Variants in MAP2K5 observed in about 807,000 individuals in gnomAD.
MAP2K5 encodes mitogen-activated protein kinase kinase 5.
In MAP2K5, 49 loss-of-function variants were observed where a neutral mutation model predicts 83.1. That is an observed-to-expected ratio of 0.59 (90% CI 0.47 to 0.75). The LOEUF is 0.75. MAP2K5 is among the 30% of genes least tolerant of loss of function. The pLI, the probability that MAP2K5 is intolerant of heterozygous loss-of-function variation, is 0.00. For missense variants in MAP2K5, 457 were observed against 557.5 expected (o/e 0.82, Z 1.82); for synonymous variants, 202 against 191.8 (o/e 1.05, Z -0.44).
At chr15:67,721,340 T>C (rs1702481705) in intron 16 of MAP2K5, among the ~76,000 whole-genome samples, 2 of 152,222 alleles carry the variant, frequency 1.3e-5, no homozygotes, top group African/African-American at 4.8e-5. Context: ...CAGTGGACTT[T>C]GGTGAGGACA....
intron 13 of MAP2K5, 58 bp from the exon 14 acceptor site, chr15:67,692,421 G>T: frequency 8.0e-7 from 1 of 1,255,458 alleles, no homozygotes; most frequent in South Asian, 1.2e-5. Context: ...TGCTTTTAAA[G>T]AACAAACGCT....
At position 67,774,433 on chromosome 15, in the gene MAP2K5, G is replaced by T. The variant is rs114556752; in HGVS notation, c.1242+1681G>T. The stretch of plus-strand genomic sequence containing the variant: ...AGCAGTGGTGAGGCACCACTGCTTT[G>T]GCAGGGCTCAGTGAGGAGGCAGGGA... On this transcript the variant is annotated intron_variant, in intron 21 of 21. Transcript: ENST00000178640. The surrounding 1 kb of genome is among the most constrained non-coding windows in gnomAD (Gnocchi z 4.9). 2.2e-3 allele frequency among the ~76,000 whole-genome samples: 339 copies of T among 152,132 alleles called. 1 individual carries two copies. Among genetic ancestry groups the T allele is most frequent in the African/African-American group, 7.8e-3 (322 of 41,488 alleles).
chr15:67,647,660 C>T (rs1049675182), intron 11 of MAP2K5, among the ~76,000 whole-genome samples: 2 of 151,566 alleles, frequency 1.3e-5, no homozygotes, highest in South Asian at 2.1e-4. Flanking sequence ...CCGAGGCAAG[C>T]GGAGTTTGAG....
intron 13 of MAP2K5, among the ~76,000 whole-genome samples, chr15:67,675,834 A>C (rs141670905): frequency 6.8e-4 from 104 of 152,310 alleles, no homozygotes; most frequent in African/African-American, 2.5e-3. Context: ...AGGCAGAGTC[A>C]TCCCTTTTAG....
rs2084682895 is a variant in MAP2K5, at chr15:67,559,009, A to G, written c.185-4274A>G. ...GAAGCAAGAAGCTAAATTAAAACTC[A>G]TGGATATGAAGATGTGGCCATGGAA... is the stretch of plus-strand genomic sequence containing the variant. On this transcript the variant is annotated intron_variant, in intron 2 of 21. Transcript: ENST00000178640. This position sits in a 1 kb window ranked among gnomAD's most constrained non-coding sequence, Gnocchi z 4.7. 6.6e-6 allele frequency among the ~76,000 whole-genome samples: 1 copy of G among 152,230 alleles called. No individual in the cohort carries two copies.
intron 8 of MAP2K5, among the ~76,000 whole-genome samples, chr15:67,616,952 A>G (rs2086069105): frequency 6.6e-6 from 1 of 152,206 alleles, no homozygotes; most frequent in Non-Finnish European, 1.5e-5. Flanking sequence ...TTATGTGAGA[A>G]GTAGAATTTA....
In MAP2K5 at chr15:67,768,434, G is replaced by A. The variant is rs960943634; in HGVS notation, c.1135-1168G>A. ...GACACAGTTGTGTGCTAGAGAAATT[G>A]TTTGGCTCCCACCAAATGCTGCATG... On this transcript the variant is annotated intron_variant, in intron 19 of 21. Transcript: ENST00000178640. The surrounding 1 kb of genome is among the most constrained non-coding windows in gnomAD (Gnocchi z 4.0). Among the ~76,000 whole-genome samples the A allele has an allele frequency of 6.6e-6, 1 of 152,154 alleles. No individual in the cohort carries two copies. Among genetic ancestry groups the A allele is most frequent in the East Asian group, 1.9e-4 (1 of 5,196 alleles).
chr15:67,746,447 G>A lies in MAP2K5; in HGVS notation c.1075-1784G>A, dbSNP rs149449482. 8.9e-4 allele frequency among the ~76,000 whole-genome samples: 135 copies of A among 151,744 alleles called. No homozygotes were observed. In the East Asian group the frequency reaches 0.024, roughly 27 times the overall value. On this transcript the variant is annotated intron_variant, in intron 17 of 21. Coordinates refer to ENST00000178640, the MANE Select transcript of MAP2K5 (RefSeq NM_145160.3). This position sits in a 1 kb window ranked among gnomAD's most constrained non-coding sequence, Gnocchi z 4.1. ...GAATGTAGGGGTGGGGGGAGTATCA[G>A]TGTGTGCTTGAAAAAAAAATAAAAG...
chr15:67,556,107 A>G (rs1370913848), intron 2 of MAP2K5, among the ~76,000 whole-genome samples: 1 of 152,148 alleles, frequency 6.6e-6, no homozygotes, highest in Non-Finnish European at 1.5e-5. Flanking sequence ...TTTCATTTCT[A>G]TAAACTATTT....
At position 67,563,733 on chromosome 15, in the gene MAP2K5, A is replaced by G. The variant is rs970338161; in HGVS notation, c.252+383A>G. Among the ~76,000 whole-genome samples the G allele has an allele frequency of 6.6e-6, 1 of 152,132 alleles. No individual in the cohort carries two copies. Among genetic ancestry groups the G allele is most frequent in the Non-Finnish European group, 1.5e-5 (1 of 68,038 alleles). ...GAGATCTCTCTCACCCTTCCAGACT[A>G]TAGTTTACAATGTAGCTGCAGGCTT... is the stretch of plus-strand genomic sequence containing the variant. On this transcript the variant is annotated intron_variant, in intron 3 of 21. Coordinates refer to ENST00000178640, the MANE Select transcript of MAP2K5 (RefSeq NM_145160.3). This position sits in a 1 kb window ranked among gnomAD's most constrained non-coding sequence, Gnocchi z 4.5.
chr15:67,657,373 T>C (rs1194763644), intron 11 of MAP2K5, among the ~76,000 whole-genome samples: 1 of 152,212 alleles, frequency 6.6e-6, no homozygotes, highest in Non-Finnish European at 1.5e-5. Context: ...TTTGTCAGTC[T>C]TCCAAATACC....
intron 21 of MAP2K5, among the ~76,000 whole-genome samples, chr15:67,773,739 A>G (rs1250485345): frequency 6.6e-6 from 1 of 152,214 alleles, no homozygotes; most frequent in Non-Finnish European, 1.5e-5. Flanking sequence ...TTCAAGTTAA[A>G]GATCACCCCT....
chr15:67,561,027 A>G lies in MAP2K5; in HGVS notation c.185-2256A>G, dbSNP rs1405406467. Among the ~76,000 whole-genome samples the G allele has an allele frequency of 6.6e-6, 1 of 152,230 alleles. No homozygotes were observed. Among genetic ancestry groups the G allele is most frequent in the Non-Finnish European group, 1.5e-5 (1 of 68,048 alleles). On this transcript the variant is annotated intron_variant, in intron 2 of 21. Transcript: ENST00000178640. The surrounding 1 kb of genome is among the most constrained non-coding windows in gnomAD (Gnocchi z 4.2). ...GTCTTGGGTATATTGAAATTCAAATATAAGCAGTCTCTTTTTAACCATAAT... is the reference window on the plus strand; with the variant it reads ...GTCTTGGGTATATTGAAATTCAAATGTAAGCAGTCTCTTTTTAACCATAAT...
intron 19 of MAP2K5, among the ~76,000 whole-genome samples, chr15:67,765,652 G>A (rs542852800): frequency 3.9e-4 from 59 of 152,250 alleles, no homozygotes; most frequent in East Asian, 7.7e-4. Context: ...GTCACTAAAC[G>A]TATTTATTGG....
At chr15:67,671,802 TCCCTCCC>T (rs1338526873) in intron 13 of MAP2K5, among the ~76,000 whole-genome samples, 19 of 115,042 alleles carry the variant, frequency 1.7e-4, no homozygotes, top group African/African-American at 5.4e-4. Flanking sequence ...CCTAATGCTA[TCCCTCCC>T]CCCTCCCCCC....
chr15:67,563,442 C>T lies in MAP2K5; in HGVS notation c.252+92C>T. On this transcript the variant is annotated intron_variant, in intron 3 of 21. Transcript: ENST00000178640. The surrounding 1 kb of genome is among the most constrained non-coding windows in gnomAD (Gnocchi z 4.5). ...GCATAGTGAAGACGAGTAAATAAAT[C>T]ACAGTTGTCATACATTTTTCTATAT... The T allele has an allele frequency of 6.9e-7, 1 of 1,446,186 alleles. No individual in the cohort carries two copies. The highest frequency in any genetic ancestry group is 1.5e-5 in the South Asian group (1 of 68,888). The allele number at this position is 1,446,186 out of a possible 1,614,324, so 89.6% of individuals were successfully genotyped here.
chr15:67,804,865 G>T (rs1002335695), intron 21 of MAP2K5, among the ~76,000 whole-genome samples: 2 of 152,172 alleles, frequency 1.3e-5, no homozygotes, highest in Admixed American at 6.5e-5. Flanking sequence ...AGCGATTTGG[G>T]AAAGCAGCCG....
intron 2 of MAP2K5, among the ~76,000 whole-genome samples, chr15:67,558,046 A>T (rs930471298): frequency 1.3e-5 from 2 of 152,214 alleles, no homozygotes; most frequent in African/African-American, 2.4e-5. Flanking sequence ...AATATTACTG[A>T]TGCAAAAAGT....
At chr15:67,648,301 C>A (rs2086873884) in intron 11 of MAP2K5, among the ~76,000 whole-genome samples, 1 of 152,184 alleles carries the variant, frequency 6.6e-6, no homozygotes, top group African/African-American at 2.4e-5. Context: ...CTATTCTGGA[C>A]ATTCCATATA....
Sources: gnomAD v4.1 joint callset for allele counts (sites outside exome capture counted in the v4.1 genomes callset) on GRCh38, gnomAD v4.1.1 for gene constraint, Gnocchi (gnomAD v3.1) non-coding constraint, MANE v1.5 for transcripts, NCBI Gene and HGNC (gene_info 2026-07-23, HGNC 2026-07-21) for gene names.